DPH1: variants seen among roughly 807,000 people sequenced by gnomAD.
The protein encoded by DPH1 is 2-(3-amino-3-carboxypropyl)histidine synthase subunit 1.
A neutral mutation model predicts 55.3 loss-of-function variants in DPH1; 59 were observed. The observed-to-expected ratio is 1.07, with a 90% CI of 0.87 to 1.33. DPH1 has a LOEUF of 1.33. Among genes scored for constraint, DPH1 ranks in the 40% most tolerant of loss-of-function variants. DPH1 has a pLI of 0.00. For missense variants in DPH1, 628 were observed against 584.8 expected (o/e 1.07, Z -0.76); for synonymous variants, 238 against 235.5 (o/e 1.01, Z -0.10).
intron 3 of DPH1, among the ~76,000 whole-genome samples, chr17:2,035,427 ACGAGAG>A (rs1567543856): frequency 0.54 from 65,385 of 121,166 alleles, 15,702 homozygotes; most frequent in Middle Eastern, 0.59. Flanking sequence ...GGGGGTCCGG[ACGAGAG>A]GGCCCTGCCT....
rs2067537470 is a variant in DPH1 at position 2,041,946 on chromosome 17, C to T, written c.*18+71C>T. 2.6e-6 allele frequency: 4 copies of T among 1,525,480 alleles called. No individual in the cohort carries two copies. The South Asian group carries it at 3.6e-5, about 14-fold the overall frequency. The allele number at this position is 1,525,480 out of a possible 1,614,324, so 94.5% of individuals were successfully genotyped here. On this transcript the variant is annotated intron_variant, in intron 12 of 12. Transcript: ENST00000263083. Reference sequence around the variant, plus strand: ...TGGGAACGCCTTGGCGCTCCGAGGCCCGCCCTCGGGGCGGTGCTGACGTTC... The same window carrying T: ...TGGGAACGCCTTGGCGCTCCGAGGCTCGCCCTCGGGGCGGTGCTGACGTTC...
chr17:2,042,117 GAGA>G, intron 12 of DPH1: 1 of 1,565,850 alleles, frequency 6.4e-7, no homozygotes, highest in Non-Finnish European at 8.6e-7. Context: ...GGGCTTCCGT[GAGA>G]AGACCGGGGC....
intron 12 of DPH1, chr17:2,042,080 C>T (rs2067542966): frequency 1.9e-6 from 3 of 1,564,166 alleles, no homozygotes; most frequent in African/African-American, 1.4e-5. Context: ...GGGTCCTGTG[C>T]CTGGCGGGCT....
Position 2,036,220 on chromosome 17 carries a change from G to T in DPH1, c.400+129G>T. ...CAAGGTCCCTCCTGGTTTCTGGGGT[G>T]GCCTCTGCCTTCCCGCTCTGCAGGT... On this transcript the variant is annotated intron_variant, in intron 4 of 12. Coordinates refer to ENST00000263083, the MANE Select transcript of DPH1 (RefSeq NM_001383.6). The surrounding 1 kb of genome is among the most constrained non-coding windows in gnomAD (Gnocchi z 4.8). 1 of 1,451,382 alleles carries T rather than the reference G, an allele frequency of 6.9e-7. No homozygotes were observed. 89.9% of individuals were successfully genotyped at this position (1,451,382 alleles called of 1,614,324 possible).
Position 2,036,929 on chromosome 17 carries a change from G to A in DPH1, c.653G>A (p.Arg218Gln), listed in dbSNP as rs201266276. The change falls in exon 6 of 13, where the codon CGA (arginine) becomes CAA (glutamine). Residue 218 changes from arginine to glutamine, a missense_variant. Coordinates refer to ENST00000263083, the MANE Select transcript of DPH1 (RefSeq NM_001383.6). This position sits in a 1 kb window ranked among gnomAD's most constrained non-coding sequence, Gnocchi z 4.8. The stretch of plus-strand genomic sequence containing the variant: ...GAGATCCTGGGCTGCACATCCCCCC[G>A]ACTGTCCAAAGAGGTGGAGGCCGTT... ...PGEILGCTSPRLSKEVEAVVY... is the reference protein window; with the variant it reads ...PGEILGCTSPQLSKEVEAVVY... 230 of 1,613,608 alleles carry A rather than the reference G, an allele frequency of 1.4e-4. No homozygotes were observed. Among genetic ancestry groups the A allele is most frequent in the Non-Finnish European group, 1.8e-4 (207 of 1,179,952 alleles).
intron 12 of DPH1, chr17:2,042,079 G>A: frequency 1.3e-6 from 2 of 1,564,294 alleles, no homozygotes; most frequent in Non-Finnish European, 1.7e-6. Flanking sequence ...CGGGTCCTGT[G>A]CCTGGCGGGC....
At chr17:2,041,898 C>G (rs755400232) in intron 12 of DPH1, 23 bp downstream of exon 12, 63 of 1,551,040 alleles carry the variant, frequency 4.1e-5, no homozygotes, top group South Asian at 9.4e-5. Context: ...GCTCTGGGTG[C>G]GCCCCGCCTT....
chr17:2,037,187 G>C (rs2067440055), intron 6 of DPH1: 1 of 499,728 alleles, frequency 2.0e-6, no homozygotes. Flanking sequence ...GCAGGAATCA[G>C]AGGGCCTGAT....
Position 2,042,903 on chromosome 17 carries a change from C to T in DPH1, c.*317C>T, listed in dbSNP as rs747842625. ...CCCGGGGCATTGGGTTCAAGGAATC[C>T]ATCCTGCAAAGGCCCTTGTCATTGC... On this transcript the variant is annotated 3_prime_UTR_variant, in exon 13 of 13. Coordinates refer to ENST00000263083, the MANE Select transcript of DPH1 (RefSeq NM_001383.6). 1 of 1,614,162 alleles carries T rather than the reference C, an allele frequency of 6.2e-7. No individual in the cohort carries two copies. The highest frequency in any genetic ancestry group is 2.2e-5 in the East Asian group (1 of 44,886).
intron 3 of DPH1, among the ~76,000 whole-genome samples, chr17:2,035,496 A>AGGGAGT (rs1567543953): frequency 8.9e-4 from 41 of 46,186 alleles, no homozygotes; most frequent in African/African-American, 2.6e-3. Flanking sequence ...TGTGGTGGGG[A>AGGGAGT]GGGGGTGGGG....
rs139977299 is a variant in DPH1, at chr17:2,032,766, T to C, written c.62-739T>C. On this transcript the variant is annotated intron_variant, in intron 1 of 12. Transcript: ENST00000263083. The stretch of plus-strand genomic sequence containing the variant: ...TTTATTTATTTATTTATTTTTGAGA[T>C]GGTGTCTCGCTCTGTTGCCCAGGCT... Among the ~76,000 whole-genome samples the C allele has an allele frequency of 3.0e-3, 450 of 152,298 alleles. 4 individuals carry two copies. Among genetic ancestry groups the C allele is most frequent in the African/African-American group, 0.01 (429 of 41,572 alleles).
In DPH1 at chr17:2,041,569, ACCACGGCCAGGACCGCCGTCC is replaced by A; in HGVS notation, c.1181_1201del (p.Gly394_His400del). ...AGCTCCTTGGGGCCCTGGACGGTGA[ACCACGGCCAGGACCGCCGTCC>A]CCACGCCCCGGGCCGGCCCGCGCGG... is the stretch of plus-strand genomic sequence containing the variant. On this transcript the variant is annotated inframe_deletion, in exon 11 of 13. Coordinates refer to ENST00000263083, the MANE Select transcript of DPH1 (RefSeq NM_001383.6). 1.2e-6 allele frequency: 2 copies of A among 1,611,258 alleles called. No individual in the cohort carries two copies. The highest frequency in any genetic ancestry group is 8.5e-7 in the Non-Finnish European group (1 of 1,179,048).
intron 6 of DPH1, chr17:2,037,389 G>C (rs376761307): frequency 6.4e-6 from 1 of 156,954 alleles, no homozygotes; most frequent in African/African-American, 2.4e-5. Flanking sequence ...GAGAGCCGAC[G>C]GCTCCCCCGA....
At chr17:2,040,663 G>T in intron 9 of DPH1, 58 bp downstream of exon 9, 1 of 1,581,460 alleles carries the variant, frequency 6.3e-7, no homozygotes, top group Non-Finnish European at 8.7e-7. Context: ...GTCTTGCCCA[G>T]CTCGTCTTGA....
chr17:2,036,103 C>A lies in DPH1; in HGVS notation c.400+12C>A. ...CCACAGTTGCCTGAGTATGGTGGGG[C>A]CAGGACACCTGGACGGTGGCGGGGC... On this transcript the variant is annotated intron_variant, in intron 4 of 12. Coordinates refer to ENST00000263083, the MANE Select transcript of DPH1 (RefSeq NM_001383.6). This position sits in a 1 kb window ranked among gnomAD's most constrained non-coding sequence, Gnocchi z 4.8. 1 of 1,613,538 alleles carries A rather than the reference C, an allele frequency of 6.2e-7. No individual in the cohort carries two copies. The highest frequency in any genetic ancestry group is 8.5e-7 in the Non-Finnish European group (1 of 1,179,756).
chr17:2,033,826 G>T lies in DPH1; in HGVS notation c.262G>T (p.Val88Leu). ...EGLLLFACTI[V>L]DILERFTEAE... is the part of the protein sequence containing the mutation. ...CCTCCTCCTCTTTGCCTGTACCATT[G>T]TGGATATCTTGGAAAGGTGAGGCTT... Residue 88 changes from valine to leucine, a missense_variant, in exon 3 of 13, where the codon GTG becomes TTG. By Grantham distance (32) the Val-to-Leu change is conservative. Coordinates refer to ENST00000263083, the MANE Select transcript of DPH1 (RefSeq NM_001383.6). 6.2e-7 allele frequency: 1 copy of T among 1,614,130 alleles called. No individual in the cohort carries two copies. Among genetic ancestry groups the T allele is most frequent in the Non-Finnish European group, 8.5e-7 (1 of 1,180,012 alleles).
At chr17:2,041,956 G>T in intron 12 of DPH1, 81 bp downstream of exon 12, 1 of 1,522,446 alleles carries the variant, frequency 6.6e-7, no homozygotes, top group Non-Finnish European at 8.8e-7. Flanking sequence ...CCGCCCTCGG[G>T]GCGGTGCTGA....
intron 1 of DPH1, among the ~76,000 whole-genome samples, chr17:2,030,927 G>T (rs2151338681): frequency 6.6e-6 from 1 of 152,294 alleles, no homozygotes; most frequent in East Asian, 1.9e-4. Context: ...CCCAGCCTCC[G>T]CTGGACCATC....
At chr17:2,039,857 GT>G in intron 7 of DPH1, 34 bp downstream of exon 7, 1 of 1,613,756 alleles carries the variant, frequency 6.2e-7, no homozygotes, top group African/African-American at 1.3e-5. Flanking sequence ...TGACCAGCTG[GT>G]GAGGGGTGAG....
Sources: gnomAD v4.1 joint callset for allele counts (sites outside exome capture counted in the v4.1 genomes callset) on GRCh38, gnomAD v4.1.1 for gene constraint, Gnocchi (gnomAD v3.1) non-coding constraint, MANE v1.5 for transcripts, NCBI Gene and HGNC (gene_info 2026-07-23, HGNC 2026-07-21) for gene names.